Variants in SGCZ observed in about 807,000 individuals in gnomAD.
SGCZ encodes zeta-sarcoglycan.
Under a neutral mutation model 41.3 loss-of-function variants are expected in SGCZ, and 40 were observed. That is an observed-to-expected ratio of 0.97 (90% CI 0.75 to 1.26). SGCZ has a LOEUF of 1.26. Ranked by LOEUF, SGCZ falls within the 50% of genes most tolerant of loss-of-function variation. The pLI is 0.00. For missense variants in SGCZ, 552 were observed against 369.8 expected (o/e 1.49, Z -4.04); for synonymous variants, 206 against 137.5 (o/e 1.50, Z -3.49).
chr8:14,180,421 G>C (rs542699600), intron 4 of SGCZ, among the ~76,000 whole-genome samples: 2 of 152,162 alleles, frequency 1.3e-5, no homozygotes, highest in Admixed American at 1.3e-4. Flanking sequence ...CACCATATGG[G>C]GACCCCACTA....
chr8:14,828,147 G>A (rs763033692), intron 1 of SGCZ, among the ~76,000 whole-genome samples: 10 of 152,120 alleles, frequency 6.6e-5, no homozygotes, highest in Admixed American at 1.3e-4. Context: ...AGATTAAATG[G>A]AAGAATGGTG....
chr8:14,637,053 T>A (rs1806853644), intron 1 of SGCZ, among the ~76,000 whole-genome samples: 1 of 151,776 alleles, frequency 6.6e-6, no homozygotes. Flanking sequence ...TTTTTTTTCT[T>A]TTTCATACAT....
At chr8:14,473,129 G>A (rs1418706351) in intron 2 of SGCZ, among the ~76,000 whole-genome samples, 1 of 152,022 alleles carries the variant, frequency 6.6e-6, no homozygotes, top group Non-Finnish European at 1.5e-5. Flanking sequence ...AGGTAATTTA[G>A]AATGAATTAA....
chr8:14,317,968 A>G (rs1299414052), intron 3 of SGCZ, among the ~76,000 whole-genome samples: 2 of 151,812 alleles, frequency 1.3e-5, no homozygotes, highest in African/African-American at 4.8e-5. Flanking sequence ...CACTCTACCA[A>G]TTAGAAAAAA....
At chr8:14,513,496 A>G (rs186106913) in intron 2 of SGCZ, among the ~76,000 whole-genome samples, 1 of 152,132 alleles carries the variant, frequency 6.6e-6, no homozygotes. Context: ...CAATTGATTC[A>G]TAAATATTTC....
chr8:14,276,160 G>C (rs929869011), intron 3 of SGCZ, among the ~76,000 whole-genome samples: 1 of 152,154 alleles, frequency 6.6e-6, no homozygotes, highest in Non-Finnish European at 1.5e-5. Flanking sequence ...TCCTTAGTCT[G>C]GGTGGGCATT....
intron 1 of SGCZ, among the ~76,000 whole-genome samples, chr8:14,839,466 A>T (rs889848321): frequency 1.3e-5 from 2 of 152,178 alleles, no homozygotes; most frequent in Non-Finnish European, 2.9e-5. Context: ...TTCAGGAGAA[A>T]AGTTAAATAG....
At chr8:14,123,282 A>G (rs73522414) in intron 5 of SGCZ, among the ~76,000 whole-genome samples, 28,461 of 152,170 alleles carry the variant, frequency 0.19, 3,524 homozygotes, top group East Asian at 0.65. Context: ...ACAATCAGTA[A>G]TTGCCAATTA....
chr8:14,578,091 G>A (rs1157344645), intron 1 of SGCZ, among the ~76,000 whole-genome samples: 2 of 152,128 alleles, frequency 1.3e-5, no homozygotes, highest in African/African-American at 4.8e-5. Flanking sequence ...TGAACATTGA[G>A]GCCTATTTTA....
At chr8:14,590,709 T>C (rs1343296414) in intron 1 of SGCZ, among the ~76,000 whole-genome samples, 1 of 148,582 alleles carries the variant, frequency 6.7e-6, no homozygotes, top group Non-Finnish European at 1.5e-5. Context: ...GTATAAACAG[T>C]ATATACTATA....
intron 1 of SGCZ, among the ~76,000 whole-genome samples, chr8:14,702,485 C>T (rs1809169938): frequency 6.6e-6 from 1 of 151,924 alleles, no homozygotes; most frequent in African/African-American, 2.4e-5. Flanking sequence ...CCCCTCTAGA[C>T]TTCCACACTG....
At chr8:14,552,679 A>G (rs1233221954) in intron 2 of SGCZ, among the ~76,000 whole-genome samples, 2 of 152,076 alleles carry the variant, frequency 1.3e-5, no homozygotes, top group Non-Finnish European at 2.9e-5. Flanking sequence ...GCCCATGAGG[A>G]TCCTGAGGAC....
intron 2 of SGCZ, among the ~76,000 whole-genome samples, chr8:14,349,354 A>T (rs1803006841): frequency 6.6e-6 from 1 of 152,102 alleles, no homozygotes; most frequent in South Asian, 2.1e-4. Flanking sequence ...GTAGTTCCCC[A>T]CAAAAATGTT....
chr8:14,267,975 T>C (rs1298657676), intron 3 of SGCZ, among the ~76,000 whole-genome samples: 2 of 151,812 alleles, frequency 1.3e-5, no homozygotes, highest in Non-Finnish European at 2.9e-5. Flanking sequence ...TGGTCAATTA[T>C]AGCATTTCAA....
At chr8:14,626,171 T>G (rs567330432) in intron 1 of SGCZ, among the ~76,000 whole-genome samples, 15 of 152,240 alleles carry the variant, frequency 9.9e-5, no homozygotes, top group African/African-American at 3.6e-4. Flanking sequence ...TATTTTATGT[T>G]CTAAGATACT....
intron 1 of SGCZ, among the ~76,000 whole-genome samples, chr8:15,185,983 G>A (rs1800319332): frequency 6.6e-6 from 1 of 151,310 alleles, no homozygotes; most frequent in African/African-American, 2.4e-5. Context: ...CCAGCACTTT[G>A]GGAGGCCGAG....
chr8:14,374,690 T>A (rs7846463), intron 2 of SGCZ, among the ~76,000 whole-genome samples: 8,288 of 152,154 alleles, frequency 0.054, 761 homozygotes, highest in African/African-American at 0.19. Context: ...GCTCATTGGC[T>A]TGGGAGTAGA....
At chr8:15,184,703 A>T (rs567934384) in intron 1 of SGCZ, among the ~76,000 whole-genome samples, 1 of 152,240 alleles carries the variant, frequency 6.6e-6, no homozygotes, top group Admixed American at 6.5e-5. Flanking sequence ...CCGGAAGCGG[A>T]AGCCACGGGT....
intron 2 of SGCZ, among the ~76,000 whole-genome samples, chr8:14,408,131 A>T (rs1799261890): frequency 6.6e-6 from 1 of 152,102 alleles, no homozygotes; most frequent in Admixed American, 6.5e-5. Context: ...TGTAGGGCAG[A>T]GTAGTAGAAA....
Sources: allele counts gnomAD v4.1 joint callset (sites outside exome capture counted in the v4.1 genomes callset), GRCh38; gene constraint gnomAD v4.1.1; transcripts MANE v1.5; gene names NCBI Gene and HGNC (gene_info 2026-07-23, HGNC 2026-07-21).